Variants in GJA1 observed in about 807,000 individuals in gnomAD.
GJA1 encodes gap junction alpha-1 protein.
GJA1 carries 9 observed loss-of-function variants against 31.0 expected under a neutral mutation model. The observed-to-expected ratio is 0.29, with a 90% CI of 0.17 to 0.51. The LOEUF is 0.51. Among genes scored for constraint, GJA1 ranks in the 20% least tolerant of loss-of-function variants. The pLI is 0.98. For missense variants in GJA1, 278 were observed against 468.8 expected, an observed-to-expected ratio of 0.59 and a Z score of 3.76; for synonymous variants, 186 against 180.1, an observed-to-expected ratio of 1.03 and a Z score of -0.26.
At chr6:121,444,515 C>G (rs768451969) in intron 1 of GJA1, among the ~76,000 whole-genome samples, 3 of 152,128 alleles carry the variant, frequency 2.0e-5, no homozygotes, top group African/African-American at 7.2e-5. Context: ...TTCATTTTTT[C>G]TTGTTCTCTA....
chr6:121,441,329 T>G (rs1489130473), intron 1 of GJA1, among the ~76,000 whole-genome samples: 1 of 151,986 alleles, frequency 6.6e-6, no homozygotes, highest in East Asian at 1.9e-4. Flanking sequence ...CCTCAGATGA[T>G]CCTCCCACCT....
In GJA1 at chr6:121,447,959, C is replaced by T. The variant is rs760700579; in HGVS notation, c.1112C>T (p.Ala371Val). 3.7e-6 allele frequency: 6 copies of T among 1,613,674 alleles called. No individual in the cohort carries two copies. The highest frequency in any genetic ancestry group is 2.2e-5 in the East Asian group (1 of 44,872). The change falls in exon 2 of 2, where the codon GCC becomes GTC. Residue 371 changes from alanine to valine, a missense_variant. Ala to Val is a moderately conservative substitution (Grantham distance 64, BLOSUM62 0). Coordinates refer to ENST00000282561, the MANE Select transcript of GJA1 (RefSeq NM_000165.5). Reference protein sequence around the residue: ...QRPSSRASSRASSRPRPDDLE... With the variant: ...QRPSSRASSRVSSRPRPDDLE... ...CCTTCAAGCAGAGCCAGCAGTCGTG[C>T]CAGCAGCAGACCTCGGCCTGATGAC...
At chr6:121,441,065 C>T (rs180968947) in intron 1 of GJA1, among the ~76,000 whole-genome samples, 3,889 of 152,218 alleles carry the variant, frequency 0.026, 202 homozygotes, top group East Asian at 0.21. Context: ...GCCTCAGCCT[C>T]CCGAGTAGCT....
At position 121,447,691 on chromosome 6, in the gene GJA1, T is replaced by G. The variant is rs1355262401; in HGVS notation, c.844T>G (p.Ser282Ala). 6.2e-7 allele frequency: 1 copy of G among 1,614,010 alleles called. No homozygotes were observed. Among genetic ancestry groups the G allele is most frequent in the Non-Finnish European group, 8.5e-7 (1 of 1,180,030 alleles). ...SSPTAPLSPM[S>A]PPGYKLVTGD... is the part of the protein sequence containing the mutation. ...ACCAACCGCTCCCCTCTCGCCTATG[T>G]CTCCTCCTGGGTACAAGCTGGTTAC... The change falls in exon 2 of 2, where the codon TCT (serine) becomes GCT (alanine). Residue 282 changes from serine to alanine, a missense_variant. By Grantham distance (99) the Ser-to-Ala change is moderately conservative (BLOSUM62 1). Transcript: ENST00000282561.
At chr6:121,444,306 T>G (rs745729161) in intron 1 of GJA1, among the ~76,000 whole-genome samples, 1 of 152,238 alleles carries the variant, frequency 6.6e-6, no homozygotes, top group Non-Finnish European at 1.5e-5. Context: ...CCCTTTCTTA[T>G]GACCACTGGG....
chr6:121,441,433 G>A (rs1000484925), intron 1 of GJA1, among the ~76,000 whole-genome samples: 3 of 152,034 alleles, frequency 2.0e-5, no homozygotes, highest in Non-Finnish European at 2.9e-5. Flanking sequence ...AAACTCCCTC[G>A]TATTGTTCAC....
At chr6:121,446,167 T>C (rs1773886111) in intron 1 of GJA1, among the ~76,000 whole-genome samples, 1 of 151,934 alleles carries the variant, frequency 6.6e-6, no homozygotes, top group Non-Finnish European at 1.5e-5. Flanking sequence ...TGATGGCACA[T>C]GCCTGTAATC....
chr6:121,440,660 T>A (rs932089441), intron 1 of GJA1, among the ~76,000 whole-genome samples: 8 of 151,596 alleles, frequency 5.3e-5, no homozygotes, highest in Admixed American at 5.3e-4. Context: ...TTTTTTTTTT[T>A]GCACAGTATC....
chr6:121,438,604 TC>T (rs762467089), intron 1 of GJA1, among the ~76,000 whole-genome samples: 90 of 152,322 alleles, frequency 5.9e-4, no homozygotes, highest in Middle Eastern at 3.4e-3. Context: ...TACCTTCCAC[TC>T]CGCCTTTCCT....
intron 1 of GJA1, among the ~76,000 whole-genome samples, chr6:121,444,758 T>C (rs1773856633): frequency 6.6e-6 from 1 of 152,370 alleles, no homozygotes; most frequent in East Asian, 1.9e-4. Flanking sequence ...TTAGCTTTGC[T>C]TGTTTTTAAT....
At position 121,448,036 on chromosome 6, in the gene GJA1, A is replaced by C; in HGVS notation, c.*40A>C. 6.4e-7 allele frequency: 1 copy of C among 1,565,038 alleles called. No individual in the cohort carries two copies. Among genetic ancestry groups the C allele is most frequent in the Non-Finnish European group, 8.8e-7 (1 of 1,135,456 alleles). On this transcript the variant is annotated 3_prime_UTR_variant, in exon 2 of 2. Transcript: ENST00000282561. Reference sequence around the variant, plus strand: ...GCATCAAGATTCCACTCAATTGTGGAGAAGAAAAAAGGTGCTGTAGAAAGT... The same window carrying C: ...GCATCAAGATTCCACTCAATTGTGGCGAAGAAAAAAGGTGCTGTAGAAAGT...
rs929200217 is a variant in GJA1, at chr6:121,438,507, C to A, written c.-17+2675C>A. ...CGGGGTGCATTCTTTCTTTTCTTTT[C>A]TCTACATCCAGGGGTGTAGCTTGGT... On this transcript the variant is annotated intron_variant, in intron 1 of 1. Transcript: ENST00000282561. Among the ~76,000 whole-genome samples the A allele has an allele frequency of 2.0e-5, 3 of 151,914 alleles. No homozygotes were observed. The South Asian group carries it at 6.2e-4, about 31-fold the overall frequency.
intron 1 of GJA1, 38 bp from the exon 2 acceptor site, chr6:121,446,794 A>C (rs1019756446): frequency 8.0e-7 from 1 of 1,257,298 alleles, no homozygotes; most frequent in Non-Finnish European, 1.2e-6. Context: ...AGTAATTTGC[A>C]ATCTGTGATC....
At chr6:121,439,078 G>A (rs9490260) in intron 1 of GJA1, among the ~76,000 whole-genome samples, 81 of 152,126 alleles carry the variant, frequency 5.3e-4, no homozygotes, top group African/African-American at 1.9e-3. Context: ...TGGGAGGATC[G>A]CTTGGGGCCA....
At chr6:121,444,554 A>C (rs530729873) in intron 1 of GJA1, among the ~76,000 whole-genome samples, 66 of 152,174 alleles carry the variant, frequency 4.3e-4, no homozygotes, top group Non-Finnish European at 8.4e-4. Context: ...ATTAGACAGA[A>C]ATGTAATGTT....
intron 1 of GJA1, 144 bp downstream of exon 1, chr6:121,435,976 G>T (rs1426433235): frequency 5.9e-5 from 9 of 151,936 alleles, no homozygotes; most frequent in Non-Finnish European, 1.2e-4. Flanking sequence ...TGTTTCTATA[G>T]TTTTAAAGTT....
chr6:121,439,833 A>C (rs3805786), intron 1 of GJA1, among the ~76,000 whole-genome samples: 8,670 of 152,278 alleles, frequency 0.057, 399 homozygotes, highest in East Asian at 0.22. Flanking sequence ...ATGTGCAATT[A>C]TTTATAAATA....
At position 121,448,150 on chromosome 6, in the gene GJA1, A is replaced by G. The variant is rs72548743; in HGVS notation, c.*154A>G. 127 of 731,220 alleles carry G rather than the reference A, an allele frequency of 1.7e-4. No homozygotes were observed. In the African/African-American group the frequency reaches 1.9e-3, roughly 11 times the overall value. The allele number at this position is 731,220 out of a possible 1,614,324, so 45.3% of individuals were successfully genotyped here. Reference sequence around the variant, plus strand: ...AAAACACAAAGACATTAGAATACCTAGGTTCACTGGGGGTGTATGGGGTAG... The same window carrying G: ...AAAACACAAAGACATTAGAATACCTGGGTTCACTGGGGGTGTATGGGGTAG... On this transcript the variant is annotated 3_prime_UTR_variant, in exon 2 of 2. Transcript: ENST00000282561.
chr6:121,436,106 GT>G (rs1773656537), intron 1 of GJA1, among the ~76,000 whole-genome samples: 1 of 131,784 alleles, frequency 7.6e-6, no homozygotes. Context: ...TGGATGTTTG[GT>G]TTTTCATTTT....
Sources: allele counts gnomAD v4.1 joint callset (sites outside exome capture counted in the v4.1 genomes callset), GRCh38; gene constraint gnomAD v4.1.1; transcripts MANE v1.5; gene names NCBI Gene and HGNC (gene_info 2026-07-23, HGNC 2026-07-21).